The following KALRN variants were observed in gnomAD, a reference collection of about 807,000 sequenced individuals.
The protein encoded by KALRN is kalirin RhoGEF kinase, also known as kalirin.
A neutral mutation model predicts 353.7 loss-of-function variants in KALRN; 70 were observed. The ratio of observed to expected loss-of-function variants is 0.20; its 90% CI spans 0.16 to 0.24. KALRN has a LOEUF of 0.24. Among genes scored for constraint, KALRN ranks in the 10% least tolerant of loss-of-function variants. The pLI is 1.00. For synonymous variants in KALRN, 1,391 were observed against 1,434.8 expected (o/e 0.97, Z 0.69); for missense variants, 2,791 against 3,756.7 (o/e 0.74, Z 6.72).
chr3:124,278,006 G>GTGTGTGTT (rs1258544376), intron 5 of KALRN, among the ~76,000 whole-genome samples: 1 of 151,510 alleles, frequency 6.6e-6, no homozygotes, highest in Non-Finnish European at 1.5e-5. Flanking sequence ...ATGTGTGTGT[G>GTGTGTGTT]TGTGTGTGTG....
chr3:124,295,400 G>C (rs1185983000), intron 5 of KALRN, among the ~76,000 whole-genome samples: 1 of 152,190 alleles, frequency 6.6e-6, no homozygotes, highest in East Asian at 1.9e-4. Flanking sequence ...ACCTCATTTT[G>C]TAAGAAGCTG....
intron 37 of KALRN, among the ~76,000 whole-genome samples, chr3:124,646,391 CTT>C (rs10673161): frequency 8.1e-5 from 9 of 110,442 alleles, no homozygotes; most frequent in East Asian, 3.5e-4. Flanking sequence ...CTTTTGTTTA[CTT>C]TTTTTTTTTT....
intron 1 of KALRN, among the ~76,000 whole-genome samples, chr3:124,057,722 C>G (rs1026322661): frequency 7.2e-5 from 11 of 152,162 alleles, no homozygotes; most frequent in Non-Finnish European, 1.5e-4. Flanking sequence ...TGCCTCCCTA[C>G]TTCTCTCTGG....
At chr3:124,312,358 G>A (rs1190771850) in intron 6 of KALRN, among the ~76,000 whole-genome samples, 6 of 151,970 alleles carry the variant, frequency 3.9e-5, no homozygotes, top group East Asian at 3.9e-4. Context: ...ATGGGGTTTC[G>A]CCATGTTGGC....
intron 1 of KALRN, among the ~76,000 whole-genome samples, chr3:124,227,667 T>TTTTG (rs1312316138): frequency 5.9e-5 from 1 of 17,062 alleles, no homozygotes; most frequent in African/African-American, 2.7e-4. Context: ...AGGGCTGTTT[T>TTTTG]TTTTTTTTTT....
At chr3:124,588,170 A>C (rs1379887750) in intron 34 of KALRN, among the ~76,000 whole-genome samples, 3 of 152,220 alleles carry the variant, frequency 2.0e-5, no homozygotes, top group Admixed American at 2.0e-4. Context: ...GCCTTTTTGA[A>C]GGTGAAAAAC....
intron 1 of KALRN, among the ~76,000 whole-genome samples, chr3:124,122,741 C>G (rs187075708): frequency 2.6e-5 from 4 of 152,304 alleles, no homozygotes; most frequent in African/African-American, 9.6e-5. Flanking sequence ...TCATCTCTCC[C>G]TCTCTTCTCA....
At chr3:124,297,616 T>C (rs73188191) in intron 5 of KALRN, among the ~76,000 whole-genome samples, 39,806 of 152,258 alleles carry the variant, frequency 0.26, 6,898 homozygotes, top group Non-Finnish European at 0.38. Flanking sequence ...AAGGGACATG[T>C]GATGGCTATC....
intron 1 of KALRN, among the ~76,000 whole-genome samples, chr3:124,047,273 A>C (rs572914671): frequency 3.2e-4 from 48 of 152,324 alleles, no homozygotes; most frequent in Middle Eastern, 3.4e-3. Flanking sequence ...GGGCTAATGA[A>C]AATGGCTATC....
At chr3:124,066,085 G>A (rs780694793) in intron 1 of KALRN, among the ~76,000 whole-genome samples, 1 of 152,186 alleles carries the variant, frequency 6.6e-6, no homozygotes, top group Non-Finnish European at 1.5e-5. Context: ...GAGAGGGGCA[G>A]CAGGTCATCT....
At chr3:124,718,050 G>A (rs550190620) in intron 59 of KALRN, among the ~76,000 whole-genome samples, 11 of 151,548 alleles carry the variant, frequency 7.3e-5, no homozygotes, top group African/African-American at 2.4e-4. Context: ...GACCTCAAGT[G>A]ATCTGCCCGC....
At chr3:124,379,033 A>G (rs1449854711) in intron 10 of KALRN, among the ~76,000 whole-genome samples, 1 of 152,046 alleles carries the variant, frequency 6.6e-6, no homozygotes, top group African/African-American at 2.4e-5. Flanking sequence ...GGGAATCTCA[A>G]TTACATGGAT....
At chr3:124,275,758 A>G (rs2074647232) in intron 5 of KALRN, among the ~76,000 whole-genome samples, 3 of 152,152 alleles carry the variant, frequency 2.0e-5, no homozygotes, top group Admixed American at 6.5e-5. Context: ...AATTATCCTT[A>G]ATGGAACAAA....
chr3:124,098,850 G>T (rs2061638255), intron 1 of KALRN, among the ~76,000 whole-genome samples: 1 of 152,198 alleles, frequency 6.6e-6, no homozygotes, highest in African/African-American at 2.4e-5. Context: ...CAGTGTAGGA[G>T]GTATGTGGAT....
intron 37 of KALRN, among the ~76,000 whole-genome samples, chr3:124,649,798 G>GATAA (rs1450542837): frequency 6.9e-6 from 1 of 145,168 alleles, no homozygotes; most frequent in Non-Finnish European, 1.5e-5. Flanking sequence ...AAAATAGATA[G>GATAA]ATAGATAGAT....
At chr3:124,129,609 G>T (rs746520922) in intron 1 of KALRN, among the ~76,000 whole-genome samples, 2 of 152,214 alleles carry the variant, frequency 1.3e-5, no homozygotes, top group Non-Finnish European at 2.9e-5. Context: ...GGAAGTTCAT[G>T]ATGGGTGGAG....
chr3:124,113,407 G>C (rs2063171149), intron 1 of KALRN, among the ~76,000 whole-genome samples: 1 of 152,324 alleles, frequency 6.6e-6, no homozygotes, highest in South Asian at 2.1e-4. Context: ...GGGGACTGAA[G>C]GCTTAGGAAG....
At chr3:124,531,901 G>A (rs1392368143) in intron 33 of KALRN, among the ~76,000 whole-genome samples, 6 of 152,282 alleles carry the variant, frequency 3.9e-5, no homozygotes, top group African/African-American at 1.2e-4. Context: ...GGTCTCATAT[G>A]TAGGGGGTCA....
chr3:124,434,164 G>A (rs752771351), intron 16 of KALRN, 143 bp from the exon 17 acceptor site: 3 of 609,458 alleles, frequency 4.9e-6, no homozygotes, highest in Non-Finnish European at 8.8e-6. Context: ...AAATAATAAT[G>A]TATTAATGGT....
Sources: allele counts gnomAD v4.1 joint callset (sites outside exome capture counted in the v4.1 genomes callset), GRCh38; gene constraint gnomAD v4.1.1; transcripts MANE v1.5; gene names NCBI Gene and HGNC (gene_info 2026-07-23, HGNC 2026-07-21).